Variants in PPP4R2 observed in about 807,000 individuals in gnomAD.
PPP4R2 encodes the protein protein phosphatase 4 regulatory subunit 2.
In PPP4R2, 13 loss-of-function variants were observed where a neutral mutation model predicts 47.2. That is an observed-to-expected ratio of 0.28 (90% CI 0.18 to 0.44). PPP4R2 has a LOEUF of 0.44. Among genes scored for constraint, PPP4R2 ranks in the 20% least tolerant of loss-of-function variants. The pLI is 1.00. For missense variants in PPP4R2, 421 were observed against 491.2 expected, an observed-to-expected ratio of 0.86 and a Z score of 1.35; for synonymous variants, 151 against 163.3, an observed-to-expected ratio of 0.92 and a Z score of 0.57.
chr3:73,006,425 C>G (rs150856037), intron 2 of PPP4R2, among the ~76,000 whole-genome samples: 2 of 152,112 alleles, frequency 1.3e-5, no homozygotes, highest in African/African-American at 4.8e-5. Context: ...CTCCTGACCT[C>G]GTAATCCACC....
Position 73,065,039 on chromosome 3 carries a change from A to G in PPP4R2, c.826A>G (p.Thr276Ala). ...SEISSVMVGE[T>A]EASSSSQDKD... is the part of the protein sequence containing the mutation. ...AATTTCTTCAGTTATGGTAGGAGAA[A>G]CAGAAGCATCATCTTCATCTCAGGA... Residue 276 changes from threonine to alanine, a missense_variant, in exon 8 of 9, where the codon ACA becomes GCA. Thr to Ala is a moderately conservative substitution (Grantham distance 58). Coordinates refer to ENST00000356692, the MANE Select transcript of PPP4R2 (RefSeq NM_174907.4). 4 of 1,613,988 alleles carry G rather than the reference A, an allele frequency of 2.5e-6. No individual in the cohort carries two copies. The highest frequency in any genetic ancestry group is 3.4e-6 in the Non-Finnish European group (4 of 1,179,888).
intron 2 of PPP4R2, among the ~76,000 whole-genome samples, chr3:73,016,440 G>T (rs76136384): frequency 0.018 from 2,685 of 152,246 alleles, 84 homozygotes; most frequent in African/African-American, 0.061. Flanking sequence ...CAGCAATGAA[G>T]AATTGTCTGG....
At chr3:73,037,240 A>C (rs79773690) in intron 2 of PPP4R2, among the ~76,000 whole-genome samples, 1,576 of 152,296 alleles carry the variant, frequency 0.01, 25 homozygotes, top group African/African-American at 0.032. Context: ...TTTAATGCTA[A>C]TGAGTATATT....
In PPP4R2 at chr3:73,000,107, C is replaced by T. The variant is rs1457015486; in HGVS notation, c.116+1949C>T. Among the ~76,000 whole-genome samples the T allele has an allele frequency of 3.3e-5, 5 of 152,078 alleles. No homozygotes were observed. The South Asian group carries it at 6.2e-4, about 19-fold the overall frequency. ...GATTGCTTAAGATAAGCATTTCCAC[C>T]GGATGTGGTGGCTCATGCCTGTATC... On this transcript the variant is annotated intron_variant, in intron 2 of 8. Transcript: ENST00000356692.
intron 2 of PPP4R2, among the ~76,000 whole-genome samples, chr3:73,034,388 T>C (rs1025118790): frequency 1.3e-5 from 2 of 152,238 alleles, no homozygotes; most frequent in African/African-American, 4.8e-5. Flanking sequence ...CTGACTATTA[T>C]TACTCAGGCT....
intron 2 of PPP4R2, among the ~76,000 whole-genome samples, chr3:73,036,139 C>T (rs1315013098): frequency 2.6e-5 from 4 of 152,022 alleles, no homozygotes; most frequent in African/African-American, 9.7e-5. Context: ...TGAAATAAGC[C>T]AGGCACAGAA....
chr3:73,044,707 A>C (rs543710708), intron 2 of PPP4R2, among the ~76,000 whole-genome samples: 1 of 152,202 alleles, frequency 6.6e-6, no homozygotes, highest in Non-Finnish European at 1.5e-5. Flanking sequence ...CATTTCCCCA[A>C]GATTAATGGT....
rs774102681 is a variant in PPP4R2 at position 73,004,857 on chromosome 3, GTGTGTGTGTGTGTTTGTTTGTT to G, written c.116+6703_116+6724del. ...AATACAGTGTGGGGTGTGTGTGTGT[GTGTGTGTGTGTGTTTGTTTGTT>G]TGTTTGTGTGTGTGTGTTTTGAGTC... On this transcript the variant is annotated intron_variant, in intron 2 of 8. Transcript: ENST00000356692. 2.2e-3 allele frequency among the ~76,000 whole-genome samples: 301 copies of G among 139,004 alleles called. 1 individual carries two copies. Among genetic ancestry groups the G allele is most frequent in the African/African-American group, 8.1e-3 (280 of 34,464 alleles). The allele number at this position is 139,004 out of a possible 152,430, so 91.2% of individuals were successfully genotyped here.
chr3:73,048,374 C>T (rs1198191718), intron 3 of PPP4R2, among the ~76,000 whole-genome samples: 2 of 152,138 alleles, frequency 1.3e-5, no homozygotes, highest in African/African-American at 2.4e-5. Flanking sequence ...CTCAGCCCCC[C>T]GGGTAGCTAG....
At chr3:73,026,344 C>T (rs980364180) in intron 2 of PPP4R2, among the ~76,000 whole-genome samples, 29 of 152,034 alleles carry the variant, frequency 1.9e-4, no homozygotes, top group African/African-American at 5.3e-4. Context: ...CATTTTTTCT[C>T]CCTCTTCTGT....
chr3:73,037,281 T>C (rs1469894989), intron 2 of PPP4R2, among the ~76,000 whole-genome samples: 1 of 152,220 alleles, frequency 6.6e-6, no homozygotes, highest in East Asian at 1.9e-4. Context: ...ATATTAGGTT[T>C]AGATTATTTA....
chr3:73,040,786 T>G (rs1246206914), intron 2 of PPP4R2, among the ~76,000 whole-genome samples: 1 of 152,150 alleles, frequency 6.6e-6, no homozygotes, highest in Non-Finnish European at 1.5e-5. Context: ...GTGCTTGCAT[T>G]ACAGGCGTGA....
chr3:73,007,923 G>A (rs1231062563), intron 2 of PPP4R2, among the ~76,000 whole-genome samples: 2 of 127,160 alleles, frequency 1.6e-5, no homozygotes, highest in Non-Finnish European at 3.5e-5. Flanking sequence ...TGTAACATCT[G>A]TACAATTACT....
intron 2 of PPP4R2, among the ~76,000 whole-genome samples, chr3:73,046,030 T>C (rs761619499): frequency 1.3e-5 from 2 of 152,242 alleles, no homozygotes; most frequent in Non-Finnish European, 2.9e-5. Context: ...TTAATGAAAT[T>C]AGTAATTTTT....
intron 2 of PPP4R2, among the ~76,000 whole-genome samples, chr3:73,033,766 G>A (rs1395499912): frequency 6.6e-6 from 1 of 152,164 alleles, no homozygotes; most frequent in African/African-American, 2.4e-5. Flanking sequence ...TCACTTAAGT[G>A]ACATTATAAA....
chr3:73,039,298 T>G (rs1702328754), intron 2 of PPP4R2, among the ~76,000 whole-genome samples: 1 of 152,100 alleles, frequency 6.6e-6, no homozygotes, highest in Non-Finnish European at 1.5e-5. Flanking sequence ...CATTTTTGTA[T>G]TTTTAGTAGA....
chr3:73,050,059 A>C (rs920154571), intron 3 of PPP4R2, among the ~76,000 whole-genome samples: 1 of 151,918 alleles, frequency 6.6e-6, no homozygotes, highest in African/African-American at 2.4e-5. Context: ...TCCAGCCTCA[A>C]CCTCTCGAGT....
intron 2 of PPP4R2, among the ~76,000 whole-genome samples, chr3:73,008,462 T>C (rs1701658831): frequency 6.6e-6 from 1 of 152,220 alleles, no homozygotes. Flanking sequence ...CCAAATAAGC[T>C]CATGTTTTCC....
intron 2 of PPP4R2, among the ~76,000 whole-genome samples, chr3:73,010,032 C>G (rs1056336075): frequency 2.0e-5 from 3 of 152,026 alleles, no homozygotes; most frequent in African/African-American, 7.2e-5. Context: ...TAACCTATTA[C>G]CTGAATATTA....
Sources: allele counts gnomAD v4.1 joint callset (sites outside exome capture counted in the v4.1 genomes callset), GRCh38; gene constraint gnomAD v4.1.1; transcripts MANE v1.5; gene names NCBI Gene and HGNC (gene_info 2026-07-23, HGNC 2026-07-21).